PCDHA12: variants seen among roughly 807,000 people sequenced by gnomAD.
The protein encoded by PCDHA12 is protocadherin alpha-12.
In PCDHA12, 44 loss-of-function variants were observed where a neutral mutation model predicts 60.0. The observed-to-expected ratio is 0.73, with a 90% confidence interval of 0.58 to 0.94. The LOEUF (loss-of-function observed/expected upper bound fraction) is 0.94. Among genes scored for constraint, PCDHA12 ranks in the 40% least tolerant of loss-of-function variants. The pLI is 0.00. For missense variants in PCDHA12, 1,276 were observed against 1,239.7 expected, an observed-to-expected ratio of 1.03 and a Z score of -0.44; for synonymous variants, 569 against 553.0, an observed-to-expected ratio of 1.03 and a Z score of -0.40.
intron 1 of PCDHA12, chr5:140,929,687 C>T (rs2086294433): frequency 3.5e-6 from 1 of 288,138 alleles, no homozygotes; most frequent in African/African-American, 2.2e-5. Flanking sequence ...ATGTAAGAGT[C>T]TGCTTTATAT....
chr5:140,952,852 G>A (rs887887464), intron 1 of PCDHA12, among the ~76,000 whole-genome samples: 2 of 152,068 alleles, frequency 1.3e-5, no homozygotes, highest in Non-Finnish European at 2.9e-5. Context: ...TTGTCTTCTG[G>A]GGAGGCCTCA....
chr5:140,929,306 A>G lies in PCDHA12; in HGVS notation c.2368-49643A>G, dbSNP rs781950847. 9 of 1,572,580 alleles carry G rather than the reference A, an allele frequency of 5.7e-6. No homozygotes were observed. The Admixed American group carries it at 9.0e-5, about 16-fold the overall frequency. On this transcript the variant is annotated intron_variant, in intron 1 of 3. Coordinates refer to ENST00000398631, the MANE Select transcript of PCDHA12 (RefSeq NM_018903.4). The stretch of plus-strand genomic sequence containing the variant: ...CAGATTCGGAATAGGAAAGGGGATC[A>G]CGCTAATGTCAATGCCATGGTAAGC...
chr5:140,963,977 C>A (rs1311264244), intron 1 of PCDHA12, among the ~76,000 whole-genome samples: 1 of 152,164 alleles, frequency 6.6e-6, no homozygotes, highest in Non-Finnish European at 1.5e-5. Flanking sequence ...ACTCCAAAGT[C>A]TATATTCCTA....
intron 1 of PCDHA12, among the ~76,000 whole-genome samples, chr5:140,939,849 G>A (rs1554212970): frequency 6.6e-6 from 1 of 152,134 alleles, no homozygotes; most frequent in Non-Finnish European, 1.5e-5. Context: ...GTTGTGTTCT[G>A]TATATGTCCA....
At chr5:141,003,158 A>G (rs902811266) in intron 3 of PCDHA12, among the ~76,000 whole-genome samples, 4 of 152,222 alleles carry the variant, frequency 2.6e-5, no homozygotes, top group Non-Finnish European at 5.9e-5. Context: ...GACCTGATCA[A>G]TCCTAGTCCC....
chr5:140,980,810 GA>G (rs1410107766), intron 2 of PCDHA12, among the ~76,000 whole-genome samples: 5 of 152,024 alleles, frequency 3.3e-5, no homozygotes, highest in Non-Finnish European at 7.4e-5. Context: ...GTAATACATT[GA>G]ACATATTAAA....
chr5:140,884,167 G>T (rs1554181302), intron 1 of PCDHA12: 2 of 1,613,294 alleles, frequency 1.2e-6, no homozygotes, highest in African/African-American at 1.3e-5. Context: ...AGATCAGCAC[G>T]ACGCGCCCTC....
chr5:141,007,779 C>T (rs1378096050), intron 3 of PCDHA12, among the ~76,000 whole-genome samples: 4 of 152,184 alleles, frequency 2.6e-5, no homozygotes, highest in African/African-American at 9.7e-5. Context: ...AATGGTACTG[C>T]TTTACAAATT....
At chr5:140,958,295 C>T (rs1405336220) in intron 1 of PCDHA12, among the ~76,000 whole-genome samples, 1 of 151,884 alleles carries the variant, frequency 6.6e-6, no homozygotes, top group Admixed American at 6.6e-5. Context: ...TATTATTGAA[C>T]TTAATTAAAA....
At chr5:140,882,365 T>C (rs141224516) in intron 1 of PCDHA12, 1 of 1,614,208 alleles carries the variant, frequency 6.2e-7, no homozygotes, top group Non-Finnish European at 8.5e-7. Context: ...CCAGCTCCAC[T>C]ACTCCGTCCC....
intron 1 of PCDHA12, among the ~76,000 whole-genome samples, chr5:140,974,301 A>G (rs2096621600): frequency 6.6e-6 from 1 of 152,190 alleles, no homozygotes; most frequent in Non-Finnish European, 1.5e-5. Context: ...AGGAGGTACA[A>G]CTGTGAGTGA....
chr5:140,929,308 G>A, intron 1 of PCDHA12: 3 of 1,569,682 alleles, frequency 1.9e-6, no homozygotes, highest in East Asian at 2.3e-5. Context: ...AGGGGATCAC[G>A]CTAATGTCAA....
At position 140,875,488 on chromosome 5, in the gene PCDHA12, C is replaced by G; in HGVS notation, c.16C>G (p.Pro6Ala). 6 of 1,612,568 alleles carry G rather than the reference C, an allele frequency of 3.7e-6. No individual in the cohort carries two copies. The highest frequency in any genetic ancestry group is 5.1e-6 in the Non-Finnish European group (6 of 1,179,086). ...ATTTTCTGCAATGGTGATTATCGGA[C>G]CAAGAGGCCCGGGATCCCAGCGTCT... The part of the protein sequence containing the change: MVIIG[P>A]RGPGSQRLLL... Residue 6 changes from proline (P) to alanine (A), a missense_variant, in exon 1 of 4, where the codon CCA (proline) becomes GCA (alanine). By Grantham distance (27) the Pro-to-Ala change is conservative. Transcript: ENST00000398631.
At chr5:140,970,466 A>G (rs549761303) in intron 1 of PCDHA12, among the ~76,000 whole-genome samples, 51 of 152,334 alleles carry the variant, frequency 3.3e-4, no homozygotes, top group Non-Finnish European at 4.4e-4. Context: ...TTAAGTAGGT[A>G]TAAGGCCAGC....
At chr5:140,967,843 T>C (rs782701780) in intron 1 of PCDHA12, 3 of 1,614,102 alleles carry the variant, frequency 1.9e-6, no homozygotes, top group Admixed American at 3.3e-5. Flanking sequence ...TGGACGTGAA[T>C]GACAATGCCC....
rs2098422979 is a variant in PCDHA12, at chr5:141,012,116, T to C, written c.*2179T>C. The C allele has an allele frequency of 6.5e-6, 1 of 153,756 alleles. No individual in the cohort carries two copies. Among genetic ancestry groups the C allele is most frequent in the African/African-American group, 2.4e-5 (1 of 41,464 alleles). The allele number at this position is 153,756 out of a possible 1,614,324, so 9.5% of individuals were successfully genotyped here. ...GATCATTTTGCCCCACTGAAGCCCA[T>C]GTATCTGACCTTACGTGCCTTTTGA... On this transcript the variant is annotated 3_prime_UTR_variant, in exon 4 of 4. Coordinates refer to ENST00000398631, the MANE Select transcript of PCDHA12 (RefSeq NM_018903.4).
intron 1 of PCDHA12, among the ~76,000 whole-genome samples, chr5:140,895,850 AC>A (rs2065202764): frequency 6.6e-6 from 1 of 152,110 alleles, no homozygotes; most frequent in Non-Finnish European, 1.5e-5. Context: ...TCACTCTTGT[AC>A]CCCAGGCTGG....
At chr5:140,966,802 G>A in intron 1 of PCDHA12, 4 of 1,542,100 alleles carry the variant, frequency 2.6e-6, no homozygotes, top group Non-Finnish European at 2.6e-6. Context: ...CGGCGACAGA[G>A]CATCCACGGC....
chr5:140,953,475 T>C (rs1178172011), intron 1 of PCDHA12, among the ~76,000 whole-genome samples: 3 of 152,140 alleles, frequency 2.0e-5, no homozygotes, highest in African/African-American at 7.2e-5. Context: ...AACTTCCTCA[T>C]GCTGTGTCAC....
Sources: gnomAD v4.1 joint callset for allele counts (sites outside exome capture counted in the v4.1 genomes callset) on GRCh38, gnomAD v4.1.1 for gene constraint, MANE v1.5 for transcripts, NCBI Gene and HGNC (gene_info 2026-07-23, HGNC 2026-07-21) for gene names.